The following GRAMD2B variants were observed in gnomAD, a reference collection of about 807,000 sequenced individuals.
GRAMD2B encodes GRAM domain containing 2B, also known as GRAM domain-containing protein 2B.
GRAMD2B carries 41 observed loss-of-function variants against 59.2 expected under a neutral mutation model. That is an observed-to-expected ratio of 0.69 (90% confidence interval 0.54 to 0.90). The LOEUF (loss-of-function observed/expected upper bound fraction) is 0.90. Among genes scored for constraint, GRAMD2B ranks in the 40% least tolerant of loss-of-function variants. GRAMD2B has a pLI of 0.00. For synonymous variants in GRAMD2B, 161 were observed against 182.7 expected (o/e 0.88, Z 0.96); for missense variants, 424 against 500.5 (o/e 0.85, Z 1.46).
intron 1 of GRAMD2B, among the ~76,000 whole-genome samples, chr5:126,461,323 A>T (rs1280716750): frequency 6.6e-6 from 1 of 152,234 alleles, no homozygotes; most frequent in Admixed American, 6.5e-5. Flanking sequence ...TCCACATAAG[A>T]GTTCTAATTC....
intron 1 of GRAMD2B, among the ~76,000 whole-genome samples, chr5:126,409,492 A>G (rs1314579223): frequency 6.6e-6 from 1 of 152,142 alleles, no homozygotes; most frequent in South Asian, 2.1e-4. Flanking sequence ...TCTTCTTTTG[A>G]GAAGTGTCTG....
intron 1 of GRAMD2B, chr5:126,371,693 T>A (rs1171598830): frequency 1.2e-6 from 1 of 853,330 alleles, no homozygotes; most frequent in Non-Finnish European, 1.5e-6. Flanking sequence ...GAAGAGAAGG[T>A]GCAGCCTAGG....
At chr5:126,454,743 C>G (rs1765972880) in intron 1 of GRAMD2B, among the ~76,000 whole-genome samples, 1 of 152,158 alleles carries the variant, frequency 6.6e-6, no homozygotes, top group Non-Finnish European at 1.5e-5. Context: ...AACCATTTCT[C>G]TAGCCCTGCT....
At chr5:126,424,190 G>C (rs1003704286) in intron 1 of GRAMD2B, among the ~76,000 whole-genome samples, 1 of 152,224 alleles carries the variant, frequency 6.6e-6, no homozygotes, top group Non-Finnish European at 1.5e-5. Context: ...GGACTTTGGT[G>C]ACCATTGCCA....
At chr5:126,410,288 C>T (rs1483616298) in intron 1 of GRAMD2B, among the ~76,000 whole-genome samples, 1 of 151,812 alleles carries the variant, frequency 6.6e-6, no homozygotes, top group Non-Finnish European at 1.5e-5. Context: ...GCAGTATGGC[C>T]ATTTTCACGA....
intron 1 of GRAMD2B, among the ~76,000 whole-genome samples, chr5:126,396,634 A>T (rs1175218046): frequency 2.0e-5 from 3 of 152,214 alleles, no homozygotes; most frequent in Non-Finnish European, 2.9e-5. Flanking sequence ...TGCTGCAATG[A>T]ACATACATGT....
At chr5:126,362,204 C>T (rs528801155) in intron 1 of GRAMD2B, among the ~76,000 whole-genome samples, 51 of 152,306 alleles carry the variant, frequency 3.3e-4, no homozygotes, top group African/African-American at 1.1e-3. Context: ...GAAGACCAAA[C>T]GATTTTTTGA....
chr5:126,360,453 T>C, exon 1 of GRAMD2B: 1 of 1,550,194 alleles, frequency 6.5e-7, no homozygotes, highest in Non-Finnish European at 8.7e-7. Context: ...GGTCCGGACC[T>C]GGAACTGTAA....
intron 1 of GRAMD2B, among the ~76,000 whole-genome samples, chr5:126,413,224 T>C (rs1444181370): frequency 1.3e-5 from 2 of 152,154 alleles, no homozygotes; most frequent in African/African-American, 4.8e-5. Context: ...TTTCTAACTT[T>C]TTGAGGTGGA....
rs561983412 is a variant in GRAMD2B, at chr5:126,467,252, AGAGT to A, written c.203+1711_203+1714del. 9.2e-4 allele frequency among the ~76,000 whole-genome samples: 140 copies of A among 152,266 alleles called. 1 individual carries two copies. Among genetic ancestry groups the A allele is most frequent in the African/African-American group, 3.1e-3 (128 of 41,566 alleles). ...ATTGTGCCACTCCAGCCTCAGCAAC[AGAGT>A]GAGACTTTGTCTCTATATAAAAATT... On this transcript the variant is annotated intron_variant, in intron 2 of 13. Transcript: ENST00000285689.
intron 1 of GRAMD2B, among the ~76,000 whole-genome samples, chr5:126,389,134 C>T (rs371589462): frequency 6.6e-6 from 1 of 152,104 alleles, no homozygotes; most frequent in Admixed American, 6.6e-5. Context: ...GCTCTAATGT[C>T]GTCTACATAA....
At chr5:126,380,471 AT>A (rs1755572546) in intron 1 of GRAMD2B, among the ~76,000 whole-genome samples, 1 of 152,006 alleles carries the variant, frequency 6.6e-6, no homozygotes, top group Admixed American at 6.5e-5. Context: ...ATTGCATTGA[AT>A]TTGTAACTTG....
chr5:126,469,688 G>C lies in GRAMD2B; in HGVS notation c.215G>C (p.Ser72Thr). Residue 72 changes from serine to threonine, a missense_variant, in exon 3 of 14, where the codon AGT (serine) becomes ACT (threonine). Ser to Thr is a moderately conservative substitution (Grantham distance 58). Coordinates refer to ENST00000285689, the MANE Select transcript of GRAMD2B (RefSeq NM_023927.4). ...KKIISLWSKSSFDGASLASDK... is the reference protein window; with the variant it reads ...KKIISLWSKSTFDGASLASDK... Reference sequence around the variant, plus strand: ...CTTTCTTTCTTTAGGTCAAAATCCAGTTTTGATGGTGCCTCTTTAGCAAGT... The same window carrying C: ...CTTTCTTTCTTTAGGTCAAAATCCACTTTTGATGGTGCCTCTTTAGCAAGT... The C allele has an allele frequency of 6.4e-7, 1 of 1,550,872 alleles. No homozygotes were observed. The highest frequency in any genetic ancestry group is 1.1e-5 in the South Asian group (1 of 90,006).
intron 13 of GRAMD2B, among the ~76,000 whole-genome samples, chr5:126,491,969 G>A (rs1475335862): frequency 1.3e-5 from 2 of 152,130 alleles, no homozygotes; most frequent in African/African-American, 2.4e-5. Flanking sequence ...TCCTGACCTC[G>A]TGATCTGCCC....
intron 1 of GRAMD2B, among the ~76,000 whole-genome samples, chr5:126,464,475 A>G (rs947745465): frequency 1.1e-4 from 17 of 151,844 alleles, no homozygotes; most frequent in African/African-American, 3.9e-4. Flanking sequence ...CCTGCTTCCC[A>G]AGAGATCTTC....
chr5:126,406,358 A>C (rs1334747072), intron 1 of GRAMD2B, among the ~76,000 whole-genome samples: 1 of 151,760 alleles, frequency 6.6e-6, no homozygotes, highest in Non-Finnish European at 1.5e-5. Context: ...AGTATAATAA[A>C]AATAAATAAA....
upstream of GRAMD2B, among the ~76,000 whole-genome samples, chr5:126,419,451 T>C (rs1759531376): frequency 6.6e-6 from 1 of 152,162 alleles, no homozygotes; most frequent in African/African-American, 2.4e-5. Flanking sequence ...ACCACCACTA[T>C]GATCCAATCA....
At position 126,423,958 on chromosome 5, in the gene GRAMD2B, A is replaced by G. The variant is rs1227564614; in HGVS notation, c.83+269A>G. 2.6e-5 allele frequency among the ~76,000 whole-genome samples: 4 copies of G among 152,374 alleles called. No homozygotes were observed. The South Asian group carries it at 8.3e-4, about 32-fold the overall frequency. On this transcript the variant is annotated intron_variant, in intron 1 of 13. Transcript: ENST00000285689. ...GGATGTTGGGAAAATAATTTTGTAG[A>G]AAATAAGCCTAACCACATTGAAGCT...
intron 13 of GRAMD2B, 86 bp from the exon 14 acceptor site, chr5:126,492,829 T>G (rs915080712): frequency 1.1e-5 from 9 of 819,874 alleles, no homozygotes; most frequent in East Asian, 2.7e-5. Flanking sequence ...TGGAATAATA[T>G]AGAATGCTAT....
Sources: allele counts gnomAD v4.1 joint callset (sites outside exome capture counted in the v4.1 genomes callset), GRCh38; gene constraint gnomAD v4.1.1; transcripts MANE v1.5; gene names NCBI Gene and HGNC (gene_info 2026-07-23, HGNC 2026-07-21).